Variants in KIAA1586 observed in about 807,000 individuals in gnomAD.
KIAA1586 encodes E3 SUMO-protein ligase KIAA1586.
KIAA1586 carries 5 observed loss-of-function variants against 6.1 expected under a neutral mutation model. The observed-to-expected ratio is 0.82, with a 90% CI of 0.43 to 1.73. The LOEUF (loss-of-function observed/expected upper bound fraction) is 1.73, where lower values mean the gene tolerates loss of function less well. KIAA1586 is among the 40% of genes most tolerant of loss of function. The pLI is 0.02. For missense variants in KIAA1586, 899 were observed against 878.2 expected, an observed-to-expected ratio of 1.02 and a Z score of -0.30; for synonymous variants, 280 against 301.7, an observed-to-expected ratio of 0.93 and a Z score of 0.75.
At chr6:57,051,056 C>T (rs1318642253) in intron 3 of KIAA1586, among the ~76,000 whole-genome samples, 2 of 151,302 alleles carry the variant, frequency 1.3e-5, no homozygotes, top group African/African-American at 2.4e-5. Context: ...AAGGTGAAAC[C>T]CCCATCTCTA....
In KIAA1586 at chr6:57,054,631, T is replaced by G; in HGVS notation, c.2132T>G (p.Phe711Cys). The G allele has an allele frequency of 6.3e-7, 1 of 1,588,498 alleles. No individual in the cohort carries two copies. The highest frequency in any genetic ancestry group is 8.6e-7 in the Non-Finnish European group (1 of 1,164,550). The change falls in exon 4 of 4, where the codon TTC (phenylalanine) becomes TGC (cysteine). Residue 711 changes from phenylalanine to cysteine, a missense_variant. By Grantham distance (205) the Phe-to-Cys change is radical. Coordinates refer to ENST00000370733, the MANE Select transcript of KIAA1586 (RefSeq NM_020931.4). ...AATAGTGCTGAAGCTGAAAGGGGTTTCAATTTAATGAACATAATTTGTACA... is the reference window on the plus strand; with the variant it reads ...AATAGTGCTGAAGCTGAAAGGGGTTGCAATTTAATGAACATAATTTGTACA... ...AINSAEAERG[F>C]NLMNIICTRV...
rs921929406 is a variant in KIAA1586, at chr6:57,052,604, T to C, written c.187-82T>C. 3.7e-6 allele frequency: 4 copies of C among 1,081,448 alleles called. No individual in the cohort carries two copies. The African/African-American group carries it at 6.4e-5, about 17-fold the overall frequency. 67.0% of individuals were successfully genotyped at this position (1,081,448 alleles called of 1,614,324 possible). A position where few individuals can be genotyped will look rare whatever the true frequency, so the allele number is the denominator to read the frequency against. On this transcript the variant is annotated intron_variant, in intron 3 of 3. Coordinates refer to ENST00000370733, the MANE Select transcript of KIAA1586 (RefSeq NM_020931.4). ...TTAAGTTTAAAATGTATTTCCAAAA[T>C]TAGATAATCACTAAGAGAACTTTTT...
intron 3 of KIAA1586, among the ~76,000 whole-genome samples, chr6:57,051,914 C>T (rs1022508081): frequency 2.6e-5 from 4 of 152,092 alleles, no homozygotes; most frequent in Admixed American, 6.6e-5. Context: ...GTGGAGTTTA[C>T]GGTGAGCTGA....
At position 57,055,016 on chromosome 6, in the gene KIAA1586, GT is replaced by G; in HGVS notation, c.*157del. On this transcript the variant is annotated 3_prime_UTR_variant, in exon 4 of 4. Coordinates refer to ENST00000370733, the MANE Select transcript of KIAA1586 (RefSeq NM_020931.4). ...TTTAAGAAGATAATCTTGAAGATTG[GT>G]TTTAGAAGCTATAGTTTTTTAGAGA... is the stretch of plus-strand genomic sequence containing the variant. 1.1e-6 allele frequency: 1 copy of G among 900,234 alleles called. No individual in the cohort carries two copies. Among genetic ancestry groups the G allele is most frequent in the Non-Finnish European group, 1.6e-6 (1 of 629,272 alleles). 55.8% of individuals were successfully genotyped at this position (900,234 alleles called of 1,614,324 possible). A position where few individuals can be genotyped will look rare whatever the true frequency, so the allele number is the denominator to read the frequency against.
Position 57,054,426 on chromosome 6 carries a change from G to A in KIAA1586, c.1927G>A (p.Glu643Lys). Residue 643 changes from glutamate (E) to lysine (K), a missense_variant, in exon 4 of 4, where the codon GAA becomes AAA. Transcript: ENST00000370733. ...GGAACCTTCCACATGGCCTTATGAA[G>A]AAATAACTTCACCATGGATAGCTGG... ...LLEPSTWPYE[E>K]ITSPWIAGEK... 1 of 1,609,392 alleles carries A rather than the reference G, an allele frequency of 6.2e-7. No individual in the cohort carries two copies. Among genetic ancestry groups the A allele is most frequent in the Non-Finnish European group, 8.5e-7 (1 of 1,178,010 alleles).
downstream of KIAA1586, among the ~76,000 whole-genome samples, chr6:57,056,256 G>C (rs572615127): frequency 1.3e-5 from 2 of 151,806 alleles, no homozygotes; most frequent in African/African-American, 4.8e-5. Context: ...ACCCAGGCTG[G>C]AGTACAGTGG....
intron 2 of KIAA1586, among the ~76,000 whole-genome samples, chr6:57,048,653 G>A (rs1446010463): frequency 6.6e-6 from 1 of 152,148 alleles, no homozygotes; most frequent in African/African-American, 2.4e-5. Context: ...GAGTTCATGG[G>A]TCTTTAGGAA....
chr6:57,052,260 G>A (rs1828348132), intron 3 of KIAA1586, among the ~76,000 whole-genome samples: 1 of 152,016 alleles, frequency 6.6e-6, no homozygotes, highest in African/African-American at 2.4e-5. Flanking sequence ...AAACTTTTAT[G>A]GCATTGATAT....
chr6:57,052,648 T>G (rs1327862724), intron 3 of KIAA1586, 38 bp from the exon 4 acceptor site: 3 of 1,470,016 alleles, frequency 2.0e-6, no homozygotes, highest in Non-Finnish European at 2.7e-6. Flanking sequence ...CCTTAAAGTG[T>G]TATGAATTTT....
Position 57,054,929 on chromosome 6 carries a change from C to CTT in KIAA1586, c.*77_*78dup, listed in dbSNP as rs113758379. The CTT allele has an allele frequency of 1.7e-4, 182 of 1,057,570 alleles. No homozygotes were observed. The highest frequency in any genetic ancestry group is 2.8e-4 in the South Asian group (11 of 39,200). The allele number at this position is 1,057,570 out of a possible 1,614,324, so 65.5% of individuals were successfully genotyped here. A position where few individuals can be genotyped will look rare whatever the true frequency, so the allele number is the denominator to read the frequency against. On this transcript the variant is annotated 3_prime_UTR_variant, in exon 4 of 4. Coordinates refer to ENST00000370733, the MANE Select transcript of KIAA1586 (RefSeq NM_020931.4). ...ACACATCCTTTATATACATAAAGGT[C>CTT]TTTTTTTTTTTTGGAAAGCCAGTTA...
At chr6:57,048,309 C>T (rs1282354498) in intron 2 of KIAA1586, among the ~76,000 whole-genome samples, 4 of 152,106 alleles carry the variant, frequency 2.6e-5, no homozygotes, top group Non-Finnish European at 5.9e-5. Flanking sequence ...TCTAATGTTT[C>T]TGTGTTTTTT....
the KIAA1586 span, among the ~76,000 whole-genome samples, chr6:57,061,893 T>C: frequency 1.3e-5 from 2 of 151,880 alleles, no homozygotes; most frequent in African/African-American, 4.8e-5. Context: ...TTTTTATTAA[T>C]TATAGCTCTA....
downstream of KIAA1586, among the ~76,000 whole-genome samples, chr6:57,056,106 T>C (rs2127913646): frequency 6.6e-6 from 1 of 152,136 alleles, no homozygotes; most frequent in East Asian, 1.9e-4. Flanking sequence ...TGGAGTGCAA[T>C]GGCGCAATCT....
Position 57,053,755 on chromosome 6 carries a change from T to G in KIAA1586, c.1256T>G (p.Leu419Ter). ...NFPEIIIWNC[L>*]NHRLQLSLDD... ...CCTGAAATCATCATTTGGAACTGTT[T>G]AAATCATCGATTACAATTGTCACTT... The change falls in exon 4 of 4, where the codon TTA (leucine) becomes TGA (stop). Residue 419 changes from leucine (L) to a stop codon, truncating the protein, a stop_gained. Transcript: ENST00000370733. LOFTEE classifies it low-confidence loss of function (END_TRUNC). 6.3e-7 allele frequency: 1 copy of G among 1,597,274 alleles called. No homozygotes were observed.
chr6:57,053,538 T>C lies in KIAA1586; in HGVS notation c.1039T>C (p.Leu347=). Residue 347 remains leucine (L), a synonymous_variant, in exon 4 of 4, where the codon TTA becomes CTA. Coordinates refer to ENST00000370733, the MANE Select transcript of KIAA1586 (RefSeq NM_020931.4). Reference sequence around the variant, plus strand: ...TCAGTCAGCTCCTGCACCTGTTATGTTATTTGTGGCTTTAAAAGAATTGGT... The same window carrying C: ...TCAGTCAGCTCCTGCACCTGTTATGCTATTTGTGGCTTTAAAAGAATTGGT... ...TIQSAPAPVM[L]FVALKELVST... 1 of 1,613,514 alleles carries C rather than the reference T, an allele frequency of 6.2e-7. No homozygotes were observed.
chr6:57,054,551 T>G lies in KIAA1586; in HGVS notation c.2052T>G (p.Val684=). Residue 684 remains valine (V), a synonymous_variant, in exon 4 of 4, where the codon GTT becomes GTG. Coordinates refer to ENST00000370733, the MANE Select transcript of KIAA1586 (RefSeq NM_020931.4). ...FVNNNIKSNN[V]SIPTTIYKAK... ...ATAATAATATAAAATCAAACAATGTTTCAATTCCTACAACTATATACAAAG... is the reference window on the plus strand; with the variant it reads ...ATAATAATATAAAATCAAACAATGTGTCAATTCCTACAACTATATACAAAG... 6.2e-7 allele frequency: 1 copy of G among 1,604,210 alleles called. No homozygotes were observed. The highest frequency in any genetic ancestry group is 8.5e-7 in the Non-Finnish European group (1 of 1,174,920).
the KIAA1586 span, among the ~76,000 whole-genome samples, chr6:57,061,650 A>G: frequency 6.6e-6 from 1 of 152,086 alleles, no homozygotes; most frequent in African/African-American, 2.4e-5. Flanking sequence ...TCAGCCTCCC[A>G]AAATGCCGGG....
At position 57,052,918 on chromosome 6, in the gene KIAA1586, A is replaced by G. The variant is rs1257839985; in HGVS notation, c.419A>G (p.Lys140Arg). The change falls in exon 4 of 4, where the codon AAA (lysine) becomes AGA (arginine). Residue 140 changes from lysine (K) to arginine (R), a missense_variant. By Grantham distance (26) the Lys-to-Arg change is conservative. Transcript: ENST00000370733. ...GTGCTTCCAGATTGTTGGAATGAAA[A>G]ACAAGCATTTATGTTTACAGAACAA... is the stretch of plus-strand genomic sequence containing the variant. The part of the protein sequence containing the change: ...NLVLPDCWNE[K>R]QAFMFTEQYK... The G allele has an allele frequency of 3.1e-6, 5 of 1,612,664 alleles. No individual in the cohort carries two copies. The highest frequency in any genetic ancestry group is 3.4e-6 in the Non-Finnish European group (4 of 1,179,416).
rs373486001 is a variant in KIAA1586, at chr6:57,050,805, T to A, written c.137T>A (p.Ile46Asn). 6.2e-7 allele frequency: 1 copy of A among 1,613,540 alleles called. No homozygotes were observed. Among genetic ancestry groups the A allele is most frequent in the Non-Finnish European group, 8.5e-7 (1 of 1,179,612 alleles). Residue 46 changes from isoleucine to asparagine, a missense_variant, in exon 3 of 4, where the codon ATC (isoleucine) becomes AAC (asparagine). Ile to Asn is a moderately radical substitution (Grantham distance 149). Transcript: ENST00000370733. The part of the protein sequence containing the change: ...EGPSRPVLEY[I>N]DLVCGDDENP... ...CCATCGAGACCTGTTCTTGAATACA[T>A]CGATCTGGTCTGTGGTGATGATGAA...
Sources: allele counts gnomAD v4.1 joint callset (sites outside exome capture counted in the v4.1 genomes callset), GRCh38; gene constraint gnomAD v4.1.1; transcripts MANE v1.5; gene names NCBI Gene and HGNC (gene_info 2026-07-23, HGNC 2026-07-21).